Variants in DHX15 observed in about 807,000 individuals in gnomAD.
The protein encoded by DHX15 is ATP-dependent RNA helicase DHX15.
In DHX15, 11 loss-of-function variants were observed where a neutral mutation model predicts 94.4. The observed-to-expected ratio is 0.12, with a 90% CI of 0.07 to 0.19. The LOEUF is 0.19. Among genes scored for constraint, DHX15 ranks in the 10% least tolerant of loss-of-function variants. The pLI, the probability that DHX15 is intolerant of heterozygous loss-of-function variation, is 1.00. For synonymous variants in DHX15, 338 were observed against 329.9 expected (o/e 1.02, Z -0.27); for missense variants, 304 against 988.5 (o/e 0.31, Z 9.29).
intron 7 of DHX15, among the ~76,000 whole-genome samples, 198 bp from the exon 8 acceptor site, chr4:24,542,220 A>C (rs1721326862): frequency 6.6e-6 from 1 of 152,198 alleles, no homozygotes; most frequent in East Asian, 1.9e-4. Context: ...ATCATCTGAA[A>C]GACTCTAACA....
chr4:24,557,850 G>A lies in DHX15; in HGVS notation c.702-1440C>T, dbSNP rs539803315. Among the ~76,000 whole-genome samples the A allele has an allele frequency of 1.2e-3, 176 of 151,892 alleles. 1 individual carries two copies. Among genetic ancestry groups the A allele is most frequent in the Admixed American group, 2.3e-3 (35 of 15,232 alleles). On this transcript the variant is annotated intron_variant, in intron 3 of 13. Coordinates refer to ENST00000336812, the MANE Select transcript of DHX15 (RefSeq NM_001358.3). ...CGTTTGGTAATTTTTCCTGTCTTCC[G>A]ATATATCACAGACACGAGAGAGGCA...
chr4:24,570,510 A>G, intron 3 of DHX15, 144 bp downstream of exon 3: 1 of 609,190 alleles, frequency 1.6e-6, no homozygotes, highest in Non-Finnish European at 2.8e-6. Flanking sequence ...TAATTAAACT[A>G]AGGTCATGTG....
chr4:24,582,428 C>T (rs555318508), intron 1 of DHX15, among the ~76,000 whole-genome samples: 1 of 152,294 alleles, frequency 6.6e-6, no homozygotes, highest in African/African-American at 2.4e-5. Context: ...CCACTAATCC[C>T]AAGGGGAACA....
chr4:24,559,375 TAAAAAAAAAAAA>T (rs535455690), intron 3 of DHX15, among the ~76,000 whole-genome samples: 2 of 93,366 alleles, frequency 2.1e-5, no homozygotes, highest in African/African-American at 7.3e-5. Flanking sequence ...TTTAAGCCAC[TAAAAAAAAAAAA>T]AAAAAAAAAG....
chr4:24,542,813 C>A, intron 7 of DHX15, 127 bp downstream of exon 7: 1 of 652,196 alleles, frequency 1.5e-6, no homozygotes, highest in South Asian at 2.3e-5. Context: ...GTTCATACAG[C>A]AGAAATTTGC....
At chr4:24,563,039 TAAC>T (rs1721916712) in intron 3 of DHX15, among the ~76,000 whole-genome samples, 1 of 152,120 alleles carries the variant, frequency 6.6e-6, no homozygotes, top group African/African-American at 2.4e-5. Context: ...TGATTAATGT[TAAC>T]AATAAATGAA....
At position 24,537,903 on chromosome 4, in the gene DHX15, AAAAC is replaced by A. The variant is rs1396592160; in HGVS notation, c.1787-734_1787-731del. 6.6e-6 allele frequency: 1 copy of A among 152,190 alleles called. No individual in the cohort carries two copies. Among genetic ancestry groups the A allele is most frequent in the East Asian group, 1.9e-4 (1 of 5,204 alleles). 9.4% of individuals were successfully genotyped at this position (152,190 alleles called of 1,614,324 possible). On this transcript the variant is annotated intron_variant, in intron 10 of 13. Transcript: ENST00000336812. The surrounding 1 kb of genome is among the most constrained non-coding windows in gnomAD (Gnocchi z 4.7). ...AAAGTCCCAAATTTAAAAAAGAAAA[AAAAC>A]AAACTTATTTGAATCAAAACCTCAA...
intron 5 of DHX15, among the ~76,000 whole-genome samples, chr4:24,551,747 A>G (rs1310765126): frequency 6.6e-6 from 1 of 152,254 alleles, no homozygotes; most frequent in Admixed American, 6.5e-5. Flanking sequence ...TAAAACTAGG[A>G]TTCCAACATT....
Position 24,548,043 on chromosome 4 carries a change from A to G in DHX15, c.1248+812T>C, listed in dbSNP as rs569476628. Among the ~76,000 whole-genome samples, 4 of 149,792 alleles carry G rather than the reference A, an allele frequency of 2.7e-5. No individual in the cohort carries two copies. In the South Asian group the frequency reaches 8.4e-4, roughly 31 times the overall value. On this transcript the variant is annotated intron_variant, in intron 6 of 13. Coordinates refer to ENST00000336812, the MANE Select transcript of DHX15 (RefSeq NM_001358.3). ...CCCCTCAACAAAGTATCTCAGAAAT[A>G]GGGCTGAAATAATCTTGTTCCTGTC... is the stretch of plus-strand genomic sequence containing the variant.
chr4:24,547,877 C>CTATG (rs1721460571), intron 6 of DHX15, among the ~76,000 whole-genome samples: 1 of 85,744 alleles, frequency 1.2e-5, no homozygotes, highest in Non-Finnish European at 2.5e-5. Flanking sequence ...CTCTCTCTCT[C>CTATG]TCTCTCTCTC....
intron 3 of DHX15, among the ~76,000 whole-genome samples, chr4:24,562,419 C>G (rs1235434694): frequency 2.0e-5 from 3 of 152,172 alleles, no homozygotes; most frequent in Non-Finnish European, 4.4e-5. Context: ...AGAATACATA[C>G]TTGCTGCAAG....
chr4:24,580,349 G>A (rs1560777969), intron 1 of DHX15, among the ~76,000 whole-genome samples: 1 of 152,078 alleles, frequency 6.6e-6, no homozygotes, highest in Non-Finnish European at 1.5e-5. Flanking sequence ...TGAGACTGCA[G>A]TGAGCCATGA....
chr4:24,556,961 T>A (rs1382516160), intron 3 of DHX15, among the ~76,000 whole-genome samples: 16 of 151,990 alleles, frequency 1.1e-4, no homozygotes. Flanking sequence ...ACAAAAGGAA[T>A]TCAATAATAA....
intron 3 of DHX15, among the ~76,000 whole-genome samples, chr4:24,558,818 C>A (rs1208389734): frequency 6.6e-6 from 1 of 152,042 alleles, no homozygotes; most frequent in East Asian, 1.9e-4. Context: ...ACGAAAAAAA[C>A]CGTAGTCAAC....
intron 3 of DHX15, chr4:24,563,089 T>C (rs1721917974): frequency 6.6e-6 from 1 of 151,658 alleles, no homozygotes; most frequent in African/African-American, 2.4e-5. Flanking sequence ...AGGTATAATT[T>C]TTCTATTTAC....
Position 24,527,857 on chromosome 4 carries a change from T to G in DHX15, c.*67A>C, listed in dbSNP as rs1720993813. 1 of 1,167,614 alleles carries G rather than the reference T, an allele frequency of 8.6e-7. No individual in the cohort carries two copies. Among genetic ancestry groups the G allele is most frequent in the East Asian group, 2.3e-5 (1 of 42,566 alleles). The allele number at this position is 1,167,614 out of a possible 1,614,324, so 72.3% of individuals were successfully genotyped here. A position where few individuals can be genotyped will look rare whatever the true frequency, so the allele number is the denominator to read the frequency against. ...ATCGAACCAACGTGAAGAGCACAAC[T>G]CGAACTTTTGAGTTCATTCATCTTT... On this transcript the variant is annotated 3_prime_UTR_variant, in exon 14 of 14. Coordinates refer to ENST00000336812, the MANE Select transcript of DHX15 (RefSeq NM_001358.3).
At chr4:24,531,333 C>T (rs1721080592) in intron 12 of DHX15, among the ~76,000 whole-genome samples, 1 of 152,126 alleles carries the variant, frequency 6.6e-6, no homozygotes, top group Admixed American at 6.5e-5. Flanking sequence ...CGTGATCCAC[C>T]CGCCTCGGCC....
intron 6 of DHX15, among the ~76,000 whole-genome samples, chr4:24,547,688 T>C (rs913345395): frequency 2.0e-5 from 3 of 151,716 alleles, no homozygotes; most frequent in Admixed American, 6.6e-5. Flanking sequence ...TAGTGGCTAA[T>C]GCCTGTAGTC....
At chr4:24,549,976 C>A (rs1415627379) in intron 5 of DHX15, among the ~76,000 whole-genome samples, 1 of 151,448 alleles carries the variant, frequency 6.6e-6, no homozygotes, top group Non-Finnish European at 1.5e-5. Flanking sequence ...GCCTGTAATC[C>A]CAGCTACTCG....
Sources: allele counts gnomAD v4.1 joint callset (sites outside exome capture counted in the v4.1 genomes callset), GRCh38; gene constraint gnomAD v4.1.1; non-coding constraint Gnocchi (gnomAD v3.1); transcripts MANE v1.5; gene names NCBI Gene and HGNC (gene_info 2026-07-23, HGNC 2026-07-21).